The following AMMECR1L variants were observed in gnomAD, a reference collection of about 807,000 sequenced individuals.
AMMECR1L encodes the protein AMMECR1-like protein.
Under a neutral mutation model 36.8 loss-of-function variants are expected in AMMECR1L, and 4 were observed. The ratio of observed to expected loss-of-function variants is 0.11; its 90% CI spans 0.05 to 0.25. The LOEUF (loss-of-function observed/expected upper bound fraction) is 0.25. Ranked by LOEUF, AMMECR1L falls within the 10% of genes least tolerant of loss-of-function variation. AMMECR1L has a pLI of 1.00. For missense variants in AMMECR1L, 232 were observed against 392.1 expected, an observed-to-expected ratio of 0.59 and a Z score of 3.45; for synonymous variants, 147 against 148.0, an observed-to-expected ratio of 0.99 and a Z score of 0.05.
intron 2 of AMMECR1L, among the ~76,000 whole-genome samples, chr2:127,878,705 T>C (rs570455534): frequency 1.3e-4 from 20 of 152,276 alleles, no homozygotes; most frequent in African/African-American, 4.6e-4. Flanking sequence ...CACAGTTGTG[T>C]TTACAGTTCC....
chr2:127,882,157 G>T (rs866556214), intron 2 of AMMECR1L, among the ~76,000 whole-genome samples: 1 of 152,168 alleles, frequency 6.6e-6, no homozygotes, highest in African/African-American at 2.4e-5. Context: ...CCTAAAGGTG[G>T]GGGGAAAAAT....
rs568707711 is a variant in AMMECR1L, at chr2:127,872,631, C to T, written c.407+1197G>A. Among the ~76,000 whole-genome samples the T allele has an allele frequency of 2.3e-4, 35 of 152,316 alleles. 1 individual carries two copies. Among genetic ancestry groups the T allele is most frequent in the African/African-American group, 7.5e-4 (31 of 41,568 alleles). The stretch of plus-strand genomic sequence containing the variant: ...CCATCTTTTCCTCCCAATAAAGCAC[C>T]TGCACAGCACCAGCCAAAGCTGCAG... On this transcript the variant is annotated intron_variant, in intron 3 of 7. Coordinates refer to ENST00000272647, the MANE Select transcript of AMMECR1L (RefSeq NM_001199140.2).
intron 2 of AMMECR1L, among the ~76,000 whole-genome samples, chr2:127,875,155 ATTTTT>A (rs34145290): frequency 1.3e-5 from 2 of 150,470 alleles, no homozygotes; most frequent in South Asian, 4.2e-4. Flanking sequence ...GAAGGAAGGG[ATTTTT>A]TTTTTAATTG....
At chr2:127,877,036 C>CATATAT (rs10568778) in intron 2 of AMMECR1L, among the ~76,000 whole-genome samples, 28 of 142,238 alleles carry the variant, frequency 2.0e-4, no homozygotes, top group Middle Eastern at 3.6e-3. Context: ...TATATATATA[C>CATATAT]ATATATATAT....
chr2:127,885,283 T>C (rs1691711336), intron 1 of AMMECR1L: 2 of 980,052 alleles, frequency 2.0e-6, no homozygotes, highest in Non-Finnish European at 2.4e-6. Flanking sequence ...AGGGACAGGG[T>C]GAAAGGTGAG....
chr2:127,882,443 G>C lies in AMMECR1L; in HGVS notation c.-39+1760C>G, dbSNP rs537268737. On this transcript the variant is annotated intron_variant, in intron 2 of 7. Coordinates refer to ENST00000272647, the MANE Select transcript of AMMECR1L (RefSeq NM_001199140.2). ...GAGCTATAATTCTGTCCTACTTATG[G>C]AACTATTCCAGGAAACAGTCAGAAA... Among the ~76,000 whole-genome samples, 8 of 152,150 alleles carry C rather than the reference G, an allele frequency of 5.3e-5. No homozygotes were observed. In the South Asian group the frequency reaches 1.7e-3, roughly 32 times the overall value.
Position 127,871,534 on chromosome 2 carries a change from G to GA in AMMECR1L, c.408-176dup, listed in dbSNP as rs1245096947. ...CTGAAAACGGCACAGCCCCTGGCTG[G>GA]AAACGGGAAACCTACAAGGCAGCAT... On this transcript the variant is annotated intron_variant, in intron 3 of 7. Transcript: ENST00000272647. This position sits in a 1 kb window ranked among gnomAD's most constrained non-coding sequence, Gnocchi z 4.3. 6.6e-6 allele frequency among the ~76,000 whole-genome samples: 1 copy of GA among 152,190 alleles called. No homozygotes were observed. The highest frequency in any genetic ancestry group is 1.5e-5 in the Non-Finnish European group (1 of 68,046).
chr2:127,874,196 C>T lies in AMMECR1L; in HGVS notation c.39G>A (p.Lys13=), dbSNP rs1158964926. ...KRRCVPPLEP[K]LAAGCCGVKK... is the part of the protein sequence containing the mutation. Reference sequence around the variant, plus strand: ...TGACCCCACAACAGCCTGCTGCCAACTTGGGCTCGAGTGGAGGAACACAAC... The same window carrying T: ...TGACCCCACAACAGCCTGCTGCCAATTTGGGCTCGAGTGGAGGAACACAAC... Residue 13 remains lysine, a synonymous_variant, in exon 3 of 8, where the codon AAG becomes AAA. Transcript: ENST00000272647. The surrounding 1 kb of genome is among the most constrained non-coding windows in gnomAD (Gnocchi z 5.2). 1.9e-6 allele frequency: 3 copies of T among 1,614,206 alleles called. No homozygotes were observed. The Admixed American group carries it at 5.0e-5, about 27-fold the overall frequency.
chr2:127,872,307 A>T (rs1341018379), intron 3 of AMMECR1L, among the ~76,000 whole-genome samples: 1 of 151,848 alleles, frequency 6.6e-6, no homozygotes, highest in Non-Finnish European at 1.5e-5. Flanking sequence ...CGAAGTGCTG[A>T]GAGATTACAG....
chr2:127,875,894 A>G (rs1017944076), intron 2 of AMMECR1L, among the ~76,000 whole-genome samples: 1 of 151,990 alleles, frequency 6.6e-6, no homozygotes, highest in African/African-American at 2.4e-5. Flanking sequence ...CCTGGACTCA[A>G]GTGATCCTCC....
In AMMECR1L at chr2:127,865,996, T is replaced by TATA. The variant is rs1057035485; in HGVS notation, c.822-794_822-792dup. Among the ~76,000 whole-genome samples the TATA allele has an allele frequency of 7.2e-5, 11 of 152,230 alleles. No homozygotes were observed. Among genetic ancestry groups the TATA allele is most frequent in the South Asian group, 2.1e-4 (1 of 4,830 alleles). Reference sequence around the variant, plus strand: ...CAGGGAAATGGCTGTTCAAATAAATTATAATAATAATAATAATGCTTTGTA... The same window carrying TATA: ...CAGGGAAATGGCTGTTCAAATAAATTATAATAATAATAATAATAATGCTTTGTA... On this transcript the variant is annotated intron_variant, in intron 7 of 7. Transcript: ENST00000272647. This position sits in a 1 kb window ranked among gnomAD's most constrained non-coding sequence, Gnocchi z 5.4.
At position 127,873,539 on chromosome 2, in the gene AMMECR1L, A is replaced by G; in HGVS notation, c.407+289T>C. Reference sequence around the variant, plus strand: ...CCCCACTTGAGAGGTTAAATGCCATACCCACTGCCATGTGAACCAACAGAA... The same window carrying G: ...CCCCACTTGAGAGGTTAAATGCCATGCCCACTGCCATGTGAACCAACAGAA... On this transcript the variant is annotated intron_variant, in intron 3 of 7. Coordinates refer to ENST00000272647, the MANE Select transcript of AMMECR1L (RefSeq NM_001199140.2). This position sits in a 1 kb window ranked among gnomAD's most constrained non-coding sequence, Gnocchi z 5.2. 3 of 985,430 alleles carry G rather than the reference A, an allele frequency of 3.0e-6. No individual in the cohort carries two copies. The highest frequency in any genetic ancestry group is 3.6e-6 in the Non-Finnish European group (3 of 829,928). 61.0% of individuals were successfully genotyped at this position (985,430 alleles called of 1,614,324 possible).
Position 127,870,873 on chromosome 2 carries a change from A to G in AMMECR1L, c.574T>C (p.Phe192Leu), listed in dbSNP as rs540690932. ...PLTREELPKL[F>L]CSVSLLTNFE... ...TTAGTAAGGAGGGAGACAGAGCAGA[A>G]AAGTTTAGGCAGCTCCTCTCGGGTC... Residue 192 changes from phenylalanine to leucine, a missense_variant, in exon 5 of 8, where the codon TTC (phenylalanine) becomes CTC (leucine). Around this residue, in one of 3 missense-constraint regions of AMMECR1L, gnomAD observed 83 missense variants for 229.5 expected, o/e 0.36. Transcript: ENST00000272647. The G allele has an allele frequency of 6.9e-5, 112 of 1,613,710 alleles. No homozygotes were observed. The highest frequency in any genetic ancestry group is 8.8e-5 in the Non-Finnish European group (104 of 1,179,956).
chr2:127,867,166 A>G, intron 6 of AMMECR1L, 170 bp from the exon 7 acceptor site: 1 of 985,498 alleles, frequency 1.0e-6, no homozygotes, highest in Non-Finnish European at 1.2e-6. Flanking sequence ...TCTGTCTGCC[A>G]GTCCCGTGGA....
chr2:127,869,567 G>A lies in AMMECR1L; in HGVS notation c.634-23C>T. ...TACCTATAGAAAAAAGTACAACCAA[G>A]TAAATGGCATTTACTTACTCTAATG... On this transcript the variant is annotated intron_variant, in intron 5 of 7. Transcript: ENST00000272647. The surrounding 1 kb of genome is among the most constrained non-coding windows in gnomAD (Gnocchi z 4.7). 1 of 1,581,668 alleles carries A rather than the reference G, an allele frequency of 6.3e-7. No individual in the cohort carries two copies. Among genetic ancestry groups the A allele is most frequent in the Non-Finnish European group, 8.7e-7 (1 of 1,150,546 alleles).
chr2:127,865,024 G>A lies in AMMECR1L; in HGVS notation c.*70C>T, dbSNP rs966273708. ...AGAAGTAACTGGACCAGGAAGAGGA[G>A]GCATCTGCTCCAATGATGTCATAGC... On this transcript the variant is annotated 3_prime_UTR_variant, in exon 8 of 8. Coordinates refer to ENST00000272647, the MANE Select transcript of AMMECR1L (RefSeq NM_001199140.2). The surrounding 1 kb of genome is among the most constrained non-coding windows in gnomAD (Gnocchi z 5.4). 3.9e-5 allele frequency: 39 copies of A among 1,006,818 alleles called. 1 individual carries two copies. In the East Asian group the frequency reaches 9.0e-4, roughly 23 times the overall value. 62.4% of individuals were successfully genotyped at this position (1,006,818 alleles called of 1,614,324 possible).
chr2:127,877,245 T>C (rs1691288970), intron 2 of AMMECR1L, among the ~76,000 whole-genome samples: 1 of 151,766 alleles, frequency 6.6e-6, no homozygotes, highest in Non-Finnish European at 1.5e-5. Flanking sequence ...AGGGCTTCAC[T>C]GAATCCTCTA....
At chr2:127,875,957 C>T (rs1210703695) in intron 2 of AMMECR1L, among the ~76,000 whole-genome samples, 4 of 151,732 alleles carry the variant, frequency 2.6e-5, no homozygotes, top group Non-Finnish European at 5.9e-5. Context: ...CTATGCCCAG[C>T]TATCTTTTTT....
intron 2 of AMMECR1L, among the ~76,000 whole-genome samples, chr2:127,879,424 C>A (rs1013858258): frequency 1.3e-5 from 2 of 152,180 alleles, no homozygotes; most frequent in Non-Finnish European, 2.9e-5. Flanking sequence ...GCTTTGCCTT[C>A]CGCCATGAGT....
Sources: allele counts gnomAD v4.1 joint callset (sites outside exome capture counted in the v4.1 genomes callset), GRCh38; gene constraint gnomAD v4.1.1; regional missense constraint gnomAD v4.1.1; non-coding constraint Gnocchi (gnomAD v3.1); transcripts MANE v1.5; gene names NCBI Gene and HGNC (gene_info 2026-07-23, HGNC 2026-07-21).